DNAJC25: variants seen among roughly 807,000 people sequenced by gnomAD.
DNAJC25 encodes DnaJ heat shock protein family (Hsp40) member C25, also known as dnaJ homolog subfamily C member 25.
DNAJC25 carries 26 observed loss-of-function variants against 42.1 expected under a neutral mutation model. The observed-to-expected ratio is 0.62, with a 90% confidence interval of 0.45 to 0.86. The LOEUF (loss-of-function observed/expected upper bound fraction) is 0.86, where lower values mean the gene tolerates loss of function less well. Ranked by LOEUF, DNAJC25 falls within the 40% of genes least tolerant of loss-of-function variation. The probability of loss-of-function intolerance (pLI) is 0.00; values close to 1 mark genes in which losing one functional copy is unlikely to be tolerated. For synonymous variants in DNAJC25, 189 were observed against 179.9 expected (o/e 1.05, Z -0.40); for missense variants, 404 against 459.4 (o/e 0.88, Z 1.10).
chr9:111,649,393 T>G, intron 2 of DNAJC25, 60 bp from the exon 3 acceptor site: 2 of 1,471,856 alleles, frequency 1.4e-6, no homozygotes, highest in South Asian at 2.9e-5. Flanking sequence ...CTATCATTCC[T>G]TTAATTTAGA....
intron 3 of DNAJC25, among the ~76,000 whole-genome samples, chr9:111,651,501 G>A (rs1169145616): frequency 6.6e-6 from 1 of 151,990 alleles, no homozygotes; most frequent in Non-Finnish European, 1.5e-5. Context: ...CTAATATTTG[G>A]AAGTAAAATA....
In DNAJC25 at chr9:111,653,746, A is replaced by C. The variant is rs1180352986; in HGVS notation, c.*524A>C. The stretch of plus-strand genomic sequence containing the variant: ...TTCATTGCAGTCATTATAGGATTGA[A>C]ATACGTTCAAAATAACCTCTCTAGG... On this transcript the variant is annotated 3_prime_UTR_variant, in exon 4 of 4. Transcript: ENST00000313525. 1 of 152,594 alleles carries C rather than the reference A, an allele frequency of 6.6e-6. No homozygotes were observed. The highest frequency in any genetic ancestry group is 1.9e-4 in the East Asian group (1 of 5,204). The allele number at this position is 152,594 out of a possible 1,614,324, so 9.5% of individuals were successfully genotyped here.
At chr9:111,637,408 T>C (rs2131257268) in intron 1 of DNAJC25, among the ~76,000 whole-genome samples, 1 of 152,280 alleles carries the variant, frequency 6.6e-6, no homozygotes, top group South Asian at 2.1e-4. Context: ...TTGAGAATGG[T>C]TTGGGGAGGG....
At chr9:111,649,079 C>G (rs934902695) in intron 2 of DNAJC25, among the ~76,000 whole-genome samples, 2 of 151,960 alleles carry the variant, frequency 1.3e-5, no homozygotes, top group Non-Finnish European at 2.9e-5. Context: ...AACTCTTTCT[C>G]TAGTAAGTAG....
rs1444088699 is a variant in DNAJC25 at position 111,631,530 on chromosome 9, G to T, written c.123G>T (p.Glu41Asp). 3 of 1,348,516 alleles carry T rather than the reference G, an allele frequency of 2.2e-6. No individual in the cohort carries two copies. Among genetic ancestry groups the T allele is most frequent in the Admixed American group, 4.0e-5 (1 of 24,884 alleles). The allele number at this position is 1,348,516 out of a possible 1,614,324, so 83.5% of individuals were successfully genotyped here. A position where few individuals can be genotyped will look rare whatever the true frequency, so the allele number is the denominator to read the frequency against. Residue 41 changes from glutamate (E) to aspartate (D), a missense_variant, in exon 1 of 4, where the codon GAG becomes GAT. Coordinates refer to ENST00000313525, the MANE Select transcript of DNAJC25 (RefSeq NM_001015882.3). The stretch of plus-strand genomic sequence containing the variant: ...TGCGGCCCGCGGGGGCCCTGGTGGA[G>T]GGGCTCTACTGCGGCACGCGGGACT... ...LLVRPAGALV[E>D]GLYCGTRDCY...
intron 3 of DNAJC25, among the ~76,000 whole-genome samples, chr9:111,652,475 A>G (rs1830676670): frequency 7.0e-6 from 1 of 143,578 alleles, no homozygotes; most frequent in Admixed American, 7.0e-5. Context: ...AGATCACACC[A>G]CTGCACTCCA....
At chr9:111,638,791 A>G (rs907909949) in intron 1 of DNAJC25, among the ~76,000 whole-genome samples, 1 of 152,016 alleles carries the variant, frequency 6.6e-6, no homozygotes, top group African/African-American at 2.4e-5. Context: ...ATATACTTCT[A>G]CATAATGCTA....
rs1830689291 is a variant in DNAJC25, at chr9:111,653,166, T to C, written c.1027T>C (p.Tyr343His). Residue 343 changes from tyrosine (Y) to histidine (H), a missense_variant, in exon 4 of 4, where the codon TAC (tyrosine) becomes CAC (histidine). Tyr to His is a moderately conservative substitution (Grantham distance 83, BLOSUM62 2). Coordinates refer to ENST00000313525, the MANE Select transcript of DNAJC25 (RefSeq NM_001015882.3). ...GGCAAATGACCCCAGATGGAAGAGA[T>C]ACAGGAGATGGATGAAGAATGAAGG... ...KLANDPRWKR[Y>H]RRWMKNEGPG... 1.2e-6 allele frequency: 2 copies of C among 1,603,604 alleles called. No homozygotes were observed. Among genetic ancestry groups the C allele is most frequent in the East Asian group, 4.5e-5 (2 of 44,386 alleles).
chr9:111,650,252 C>T (rs1488389005), intron 3 of DNAJC25, among the ~76,000 whole-genome samples: 4 of 151,222 alleles, frequency 2.6e-5, no homozygotes, highest in Non-Finnish European at 5.9e-5. Context: ...TAAAATTTGG[C>T]CCTTCCCAAG....
At chr9:111,649,073 C>G (rs1034134702) in intron 2 of DNAJC25, among the ~76,000 whole-genome samples, 1 of 151,946 alleles carries the variant, frequency 6.6e-6, no homozygotes, top group Admixed American at 6.6e-5. Flanking sequence ...CCATTTAACT[C>G]TTTCTCTAGT....
Position 111,653,293 on chromosome 9 carries a change from T to C in DNAJC25, c.*71T>C, listed in dbSNP as rs1043547040. On this transcript the variant is annotated 3_prime_UTR_variant, in exon 4 of 4. Transcript: ENST00000313525. ...TTTCATAACTGAATTATTTTAGAAA[T>C]GTATCAATTGACTGCTGCTCAGCAG... 26 of 1,393,060 alleles carry C rather than the reference T, an allele frequency of 1.9e-5. No homozygotes were observed. The highest frequency in any genetic ancestry group is 2.6e-5 in the Admixed American group (1 of 38,388). 86.3% of individuals were successfully genotyped at this position (1,393,060 alleles called of 1,614,324 possible). A position where few individuals can be genotyped will look rare whatever the true frequency, so the allele number is the denominator to read the frequency against.
intron 1 of DNAJC25, chr9:111,642,842 T>C (rs1479810272): frequency 1.1e-5 from 5 of 470,840 alleles, no homozygotes; most frequent in African/African-American, 2.0e-5. Context: ...GATCTAGATA[T>C]TGGTTATGTT....
At chr9:111,642,751 T>G in intron 1 of DNAJC25, 3 of 404,728 alleles carry the variant, frequency 7.4e-6, no homozygotes, top group Non-Finnish European at 1.6e-5. Flanking sequence ...TATTTTTGCC[T>G]CTGGGGAGGG....
At chr9:111,649,100 A>T (rs959773537) in intron 2 of DNAJC25, among the ~76,000 whole-genome samples, 6 of 151,570 alleles carry the variant, frequency 4.0e-5, no homozygotes, top group Admixed American at 2.6e-4. Context: ...GTTGCTGTTT[A>T]AAAAAAAAGA....
At chr9:111,634,389 A>T (rs1186750037) in intron 1 of DNAJC25, among the ~76,000 whole-genome samples, 1 of 152,238 alleles carries the variant, frequency 6.6e-6, no homozygotes, top group Non-Finnish European at 1.5e-5. Context: ...GTTTTAATGA[A>T]CTGAGGTCAT....
Position 111,653,248 on chromosome 9 carries a change from A to C in DNAJC25, c.*26A>C. 7.3e-6 allele frequency: 11 copies of C among 1,504,436 alleles called. No individual in the cohort carries two copies. Among genetic ancestry groups the C allele is most frequent in the Non-Finnish European group, 9.8e-6 (11 of 1,122,910 alleles). 93.2% of individuals were successfully genotyped at this position (1,504,436 alleles called of 1,614,324 possible). On this transcript the variant is annotated 3_prime_UTR_variant, in exon 4 of 4. Transcript: ENST00000313525. ...AGATTGATGGAATGCTACTATGCCA[A>C]ACCTTAATTGTGATATTATTTTCAT...
rs1237973564 is a variant in DNAJC25 at position 111,654,277 on chromosome 9, G to A, written c.*1055G>A. The A allele has an allele frequency of 2.0e-5, 3 of 152,186 alleles. No homozygotes were observed. Among genetic ancestry groups the A allele is most frequent in the Non-Finnish European group, 4.4e-5 (3 of 68,032 alleles). 9.4% of individuals were successfully genotyped at this position (152,186 alleles called of 1,614,324 possible). On this transcript the variant is annotated 3_prime_UTR_variant, in exon 4 of 4. Coordinates refer to ENST00000313525, the MANE Select transcript of DNAJC25 (RefSeq NM_001015882.3). ...ACCAAAGTGTTGGTACATATTCACG[G>A]TAGTAAATCAGTACCCCTGTTAAAG...
Position 111,631,611 on chromosome 9 carries a change from C to T in DNAJC25, c.204C>T (p.Ala68=). 6.7e-7 allele frequency: 1 copy of T among 1,493,604 alleles called. No homozygotes were observed. The highest frequency in any genetic ancestry group is 8.9e-7 in the Non-Finnish European group (1 of 1,129,194). The allele number at this position is 1,493,604 out of a possible 1,614,324, so 92.5% of individuals were successfully genotyped here. A position where few individuals can be genotyped will look rare whatever the true frequency, so the allele number is the denominator to read the frequency against. ...RSAGKAEIAR[A]YRQLARRYHP... is the part of the protein sequence containing the mutation. ...CGGGCAAGGCGGAGATCGCGCGGGCCTACCGCCAGCTGGCCCGGCGCTACC... is the reference window on the plus strand; with the variant it reads ...CGGGCAAGGCGGAGATCGCGCGGGCTTACCGCCAGCTGGCCCGGCGCTACC... Residue 68 remains alanine, a synonymous_variant, in exon 1 of 4, where the codon GCC becomes GCT. Transcript: ENST00000313525.
chr9:111,635,360 T>C (rs1435410914), intron 1 of DNAJC25, among the ~76,000 whole-genome samples: 1 of 152,224 alleles, frequency 6.6e-6, no homozygotes, highest in East Asian at 1.9e-4. Context: ...GAAAGTGGAT[T>C]TCTGGCATTT....
Sources: allele counts gnomAD v4.1 joint callset (sites outside exome capture counted in the v4.1 genomes callset), GRCh38; gene constraint gnomAD v4.1.1; transcripts MANE v1.5; gene names NCBI Gene and HGNC (gene_info 2026-07-23, HGNC 2026-07-21).